Variants in LVRN observed in about 807,000 individuals in gnomAD.
LVRN encodes the protein aminopeptidase Q.
In LVRN, 99 loss-of-function variants were observed where a neutral mutation model predicts 111.4. The observed-to-expected ratio is 0.89, with a 90% CI of 0.76 to 1.05. LVRN has a LOEUF of 1.05. LVRN is among the 50% of genes least tolerant of loss of function. The probability of loss-of-function intolerance (pLI) is 0.00; values close to 1 mark genes in which losing one functional copy is unlikely to be tolerated. For missense variants in LVRN, 1,414 were observed against 1,206.8 expected (o/e 1.17, Z -2.54); for synonymous variants, 488 against 449.5 (o/e 1.09, Z -1.08).
intron 1 of LVRN, chr5:115,975,115 G>T: frequency 5.0e-6 from 2 of 399,430 alleles, no homozygotes; most frequent in South Asian, 2.2e-5. Flanking sequence ...AGACAAGCAT[G>T]GGCTCTTTCA....
intron 1 of LVRN, among the ~76,000 whole-genome samples, chr5:115,972,488 G>C (rs1273792035): frequency 6.6e-6 from 1 of 151,240 alleles, no homozygotes; most frequent in African/African-American, 2.4e-5. Flanking sequence ...TTAAAAAAAA[G>C]CTTTTAATTT....
rs1301098660 is a variant in LVRN at position 115,962,581 on chromosome 5, C to T, written c.-37C>T. The T allele has an allele frequency of 6.4e-7, 1 of 1,567,288 alleles. No homozygotes were observed. The highest frequency in any genetic ancestry group is 1.7e-5 in the Admixed American group (1 of 58,520). On this transcript the variant is annotated 5_prime_UTR_variant, in exon 1 of 20. Transcript: ENST00000357872. ...GGGGTTTTGACAGCTGCCACAGTCTCTGAGCTCCAGCCTCGCGCCTGAACC... is the reference window on the plus strand; with the variant it reads ...GGGGTTTTGACAGCTGCCACAGTCTTTGAGCTCCAGCCTCGCGCCTGAACC...
At chr5:115,986,980 G>C (rs1747883644) in intron 3 of LVRN, among the ~76,000 whole-genome samples, 1 of 150,988 alleles carries the variant, frequency 6.6e-6, no homozygotes, top group Admixed American at 6.6e-5. Flanking sequence ...AGATCTTTAA[G>C]TTTTATGCAT....
rs778696086 is a variant in LVRN, at chr5:116,014,508, G to A, written c.2431G>A (p.Val811Met). The part of the protein sequence containing the change: ...QLSKELFAKW[V>M]DHPENEIPYP... Reference sequence around the variant, plus strand: ...GTCAAAAGAACTTTTCGCAAAATGGGTGGATCATCCAGAAAATGAGTAAGA... The same window carrying A: ...GTCAAAAGAACTTTTCGCAAAATGGATGGATCATCCAGAAAATGAGTAAGA... The change falls in exon 16 of 20, where the codon GTG (valine) becomes ATG (methionine). Residue 811 changes from valine to methionine, a missense_variant. Transcript: ENST00000357872. The A allele has an allele frequency of 2.5e-6, 4 of 1,613,278 alleles. No individual in the cohort carries two copies. The highest frequency in any genetic ancestry group is 3.4e-6 in the Non-Finnish European group (4 of 1,179,410).
chr5:116,021,705 C>T (rs1056507243), intron 18 of LVRN: 6 of 451,150 alleles, frequency 1.3e-5, no homozygotes, highest in Admixed American at 2.4e-5. Flanking sequence ...TTTTAATGCA[C>T]CCAAAGTCTT....
At chr5:116,000,987 C>A in intron 9 of LVRN, 80 bp from the exon 10 acceptor site, 1 of 1,460,170 alleles carries the variant, frequency 6.8e-7, no homozygotes, top group East Asian at 2.3e-5. Flanking sequence ...GAATAGCTAC[C>A]GAGTTTCTTT....
At chr5:115,995,504 G>A (rs1158129558) in intron 6 of LVRN, 1 of 152,184 alleles carries the variant, frequency 6.6e-6, no homozygotes. Context: ...AGGAAAGTTT[G>A]GACGTCATTA....
intron 1 of LVRN, among the ~76,000 whole-genome samples, chr5:115,978,659 C>G (rs919751838): frequency 2.0e-5 from 3 of 152,182 alleles, no homozygotes; most frequent in African/African-American, 7.2e-5. Context: ...CTCCATTTTT[C>G]TCCCATCTTC....
chr5:115,984,495 T>C, intron 2 of LVRN, 75 bp from the exon 3 acceptor site: 1 of 1,536,038 alleles, frequency 6.5e-7, no homozygotes, highest in Non-Finnish European at 8.9e-7. Flanking sequence ...GGGTGACAAT[T>C]GACTTGACAA....
intron 6 of LVRN, among the ~76,000 whole-genome samples, chr5:115,996,887 TC>T (rs1261933473): frequency 1.3e-5 from 2 of 152,182 alleles, no homozygotes; most frequent in Non-Finnish European, 2.9e-5. Context: ...CTTTAGTTCC[TC>T]ATTTGTAAAA....
rs1748197764 is a variant in LVRN at position 115,999,801 on chromosome 5, A to G, written c.1414A>G (p.Arg472Gly). 6.2e-7 allele frequency: 1 copy of G among 1,613,326 alleles called. No homozygotes were observed. The highest frequency in any genetic ancestry group is 1.3e-5 in the African/African-American group (1 of 74,912). Residue 472 changes from arginine (R) to glycine (G), a missense_variant, in exon 7 of 20, where the codon AGA (arginine) becomes GGA (glycine). By Grantham distance (125) the Arg-to-Gly change is moderately radical. Coordinates refer to ENST00000357872, the MANE Select transcript of LVRN (RefSeq NM_173800.5). Reference sequence around the variant, plus strand: ...TTCTAACATTTTACATAATATCCTCAGAGAAGATCACGCCCTGGTGACTAG... The same window carrying G: ...TTCTAACATTTTACATAATATCCTCGGAGAAGATCACGCCCTGGTGACTAG... ...FFSNILHNIL[R>G]EDHALVTRAV... is the part of the protein sequence containing the mutation.
Position 115,992,941 on chromosome 5 carries a change from A to G in LVRN, c.1260+664A>G, listed in dbSNP as rs80090568. Among the ~76,000 whole-genome samples, 1,146 of 152,336 alleles carry G rather than the reference A, an allele frequency of 7.5e-3. 15 individuals are homozygous for G. Among genetic ancestry groups the G allele is most frequent in the African/African-American group, 0.026 (1,096 of 41,566 alleles). On this transcript the variant is annotated intron_variant, in intron 5 of 19. Transcript: ENST00000357872. ...GATGTTATCTTCGTAATGTGGCTCC[A>G]TAAGAAGTTTTGGAAAAGAGCAGTT...
chr5:116,013,408 T>C (rs992922301), intron 15 of LVRN, among the ~76,000 whole-genome samples: 1 of 152,132 alleles, frequency 6.6e-6, no homozygotes, highest in Non-Finnish European at 1.5e-5. Flanking sequence ...TAACCAGACA[T>C]TTCCTTGGCT....
intron 18 of LVRN, chr5:116,021,541 TC>T (rs966955794): frequency 4.9e-5 from 12 of 243,140 alleles, no homozygotes; most frequent in Non-Finnish European, 8.9e-5. Flanking sequence ...AGCACTATTT[TC>T]CCTCACCTTT....
intron 18 of LVRN, among the ~76,000 whole-genome samples, chr5:116,018,171 T>C (rs927165073): frequency 6.6e-6 from 1 of 152,280 alleles, no homozygotes; most frequent in South Asian, 2.1e-4. Context: ...CATAAAATAA[T>C]TGCCAATTAA....
intron 11 of LVRN, 121 bp from the exon 12 acceptor site, chr5:116,003,120 T>A: frequency 9.8e-7 from 1 of 1,020,668 alleles, no homozygotes; most frequent in Non-Finnish European, 1.4e-6. Context: ...ATATATATTT[T>A]AGAATTCCTT....
At chr5:115,987,241 A>G (rs893986052) in intron 3 of LVRN, among the ~76,000 whole-genome samples, 1 of 152,224 alleles carries the variant, frequency 6.6e-6, no homozygotes, top group Non-Finnish European at 1.5e-5. Flanking sequence ...AGAGAATTAT[A>G]ATTCACTTGC....
chr5:116,024,454 G>A (rs747509396), intron 19 of LVRN, among the ~76,000 whole-genome samples: 3 of 152,120 alleles, frequency 2.0e-5, no homozygotes, highest in African/African-American at 2.4e-5. Context: ...GCTAATTCCC[G>A]AAGAAATTCT....
At chr5:115,993,262 G>A (rs1418086431) in intron 5 of LVRN, among the ~76,000 whole-genome samples, 5 of 150,634 alleles carry the variant, frequency 3.3e-5, no homozygotes, top group East Asian at 2.0e-4. Context: ...ATTGCATAAC[G>A]TATGATTACT....
Sources: allele counts gnomAD v4.1 joint callset (sites outside exome capture counted in the v4.1 genomes callset), GRCh38; gene constraint gnomAD v4.1.1; transcripts MANE v1.5; gene names NCBI Gene and HGNC (gene_info 2026-07-23, HGNC 2026-07-21).